Variants in CELF2 observed in about 807,000 individuals in gnomAD.
CELF2 encodes CUGBP Elav-like family member 2, also known as CUG triplet repeat RNA-binding protein 2.
CELF2 carries 8 observed loss-of-function variants against 62.6 expected under a neutral mutation model. The observed-to-expected ratio is 0.13, with a 90% confidence interval of 0.07 to 0.23. The LOEUF is 0.23. Ranked by LOEUF, CELF2 falls within the 10% of genes least tolerant of loss-of-function variation. The pLI, the probability that CELF2 is intolerant of heterozygous loss-of-function variation, is 1.00. For missense variants in CELF2, 333 were observed against 671.0 expected (o/e 0.50, Z 5.56); for synonymous variants, 258 against 250.0 (o/e 1.03, Z -0.30).
chr10:10,511,611 G>A, the CELF2 span, among the ~76,000 whole-genome samples: 1 of 152,128 alleles, frequency 6.6e-6, no homozygotes, highest in South Asian at 2.1e-4. Context: ...CTTGAAGGCA[G>A]TATGTGTAGT....
At chr10:10,592,337 T>A in the CELF2 span, among the ~76,000 whole-genome samples, 1 of 152,126 alleles carries the variant, frequency 6.6e-6, no homozygotes, top group African/African-American at 2.4e-5. Flanking sequence ...AAAAGAAGAA[T>A]CTCTGGGTAG....
chr10:10,617,424 C>T, the CELF2 span, among the ~76,000 whole-genome samples: 2 of 152,122 alleles, frequency 1.3e-5, no homozygotes, highest in Non-Finnish European at 2.9e-5. Flanking sequence ...ACCTAAGGTT[C>T]ACAGCTCAGG....
intron 1 of CELF2, among the ~76,000 whole-genome samples, chr10:10,802,853 C>A (rs2054810485): frequency 6.6e-6 from 1 of 152,172 alleles, no homozygotes; most frequent in African/African-American, 2.4e-5. Context: ...ACAGCTCAGT[C>A]CAATTGCATG....
intron 1 of CELF2, among the ~76,000 whole-genome samples, chr10:11,095,723 G>A (rs1595132544): frequency 6.6e-6 from 1 of 152,122 alleles, no homozygotes; most frequent in Admixed American, 6.5e-5. Context: ...AGGCAGGCAC[G>A]CAGTGCTCCC....
chr10:11,096,403 T>C (rs1471350366), intron 1 of CELF2: 2 of 152,226 alleles, frequency 1.3e-5, no homozygotes, highest in Non-Finnish European at 2.9e-5. Flanking sequence ...TGACTTAAGC[T>C]CATTTCTGTA....
chr10:11,204,837 A>G (rs1340289956), intron 2 of CELF2, among the ~76,000 whole-genome samples: 4 of 152,244 alleles, frequency 2.6e-5, no homozygotes, highest in African/African-American at 7.2e-5. Flanking sequence ...TGTGAAGCCC[A>G]GTGTTAACTG....
At chr10:11,127,100 T>G (rs927175776) in intron 1 of CELF2, among the ~76,000 whole-genome samples, 6 of 152,124 alleles carry the variant, frequency 3.9e-5, no homozygotes, top group African/African-American at 2.4e-5. Flanking sequence ...CCTGTACATG[T>G]GTTCTCATTG....
At chr10:10,967,918 G>A (rs1190544702) in intron 2 of CELF2, among the ~76,000 whole-genome samples, 1 of 149,318 alleles carries the variant, frequency 6.7e-6, no homozygotes, top group Non-Finnish European at 1.5e-5. Flanking sequence ...ATTAAGGTAA[G>A]CACACACACA....
the CELF2 span, among the ~76,000 whole-genome samples, chr10:10,524,683 A>C: frequency 6.6e-6 from 1 of 152,134 alleles, no homozygotes; most frequent in Non-Finnish European, 1.5e-5. Flanking sequence ...TTTAAGCACT[A>C]TCTTCTATTT....
intron 5 of CELF2, among the ~76,000 whole-genome samples, chr10:11,259,987 G>A (rs891749279): frequency 1.3e-5 from 2 of 152,174 alleles, no homozygotes; most frequent in Admixed American, 1.3e-4. Context: ...TCCAAGGTAT[G>A]GAGAAACGGC....
chr10:10,908,014 C>G (rs2063482481), intron 1 of CELF2, among the ~76,000 whole-genome samples: 1 of 152,052 alleles, frequency 6.6e-6, no homozygotes, highest in African/African-American at 2.4e-5. Flanking sequence ...ATGTTCATCT[C>G]TCTCTCTCTC....
chr10:11,213,387 G>T (rs187522655), intron 2 of CELF2, among the ~76,000 whole-genome samples: 1 of 152,210 alleles, frequency 6.6e-6, no homozygotes, highest in South Asian at 2.1e-4. Flanking sequence ...TACAGCTGGC[G>T]TGGGGAAATC....
chr10:11,210,201 A>T (rs1177603893), intron 2 of CELF2, among the ~76,000 whole-genome samples: 1 of 152,096 alleles, frequency 6.6e-6, no homozygotes. Context: ...GTTGTTTAAT[A>T]AAAAAAAGAA....
At chr10:10,989,650 A>G (rs1564320901) in intron 2 of CELF2, among the ~76,000 whole-genome samples, 1 of 152,148 alleles carries the variant, frequency 6.6e-6, no homozygotes, top group South Asian at 2.1e-4. Flanking sequence ...AAATAAAATA[A>G]GCAAGTTATT....
intron 3 of CELF2, among the ~76,000 whole-genome samples, chr10:11,236,014 G>A (rs1341816934): frequency 6.6e-6 from 1 of 152,176 alleles, no homozygotes; most frequent in Non-Finnish European, 1.5e-5. Context: ...AAATGAAGTT[G>A]TCATTCCTAA....
chr10:11,206,100 A>G (rs1450969256), intron 2 of CELF2, among the ~76,000 whole-genome samples: 4 of 152,228 alleles, frequency 2.6e-5, no homozygotes, highest in Admixed American at 6.5e-5. Context: ...ACCCTTGAGT[A>G]ATAAGTTAGA....
chr10:10,850,657 A>G (rs1387342276), intron 1 of CELF2, among the ~76,000 whole-genome samples: 6 of 152,202 alleles, frequency 3.9e-5, no homozygotes, highest in African/African-American at 1.4e-4. Flanking sequence ...AACAGGTAAC[A>G]TTTATTGATC....
intron 1 of CELF2, among the ~76,000 whole-genome samples, chr10:11,162,047 A>G (rs1473387206): frequency 6.6e-6 from 1 of 152,196 alleles, no homozygotes; most frequent in Non-Finnish European, 1.5e-5. Context: ...GTGGATGAGA[A>G]GGGAGTAAAC....
intron 1 of CELF2, among the ~76,000 whole-genome samples, chr10:10,888,766 C>G (rs1019521542): frequency 4.6e-5 from 7 of 152,184 alleles, no homozygotes; most frequent in South Asian, 2.1e-4. Context: ...CCAGAACAAA[C>G]AGTTATTACC....
Sources: allele counts gnomAD v4.1 joint callset (sites outside exome capture counted in the v4.1 genomes callset), GRCh38; gene constraint gnomAD v4.1.1; transcripts MANE v1.5; gene names NCBI Gene and HGNC (gene_info 2026-07-23, HGNC 2026-07-21).